ZNF726: variants seen among roughly 807,000 people sequenced by gnomAD.
ZNF726 encodes zinc finger protein 92 pseudogene 3.
A neutral mutation model predicts 11.6 loss-of-function variants in ZNF726; 15 were observed. The ratio of observed to expected loss-of-function variants is 1.29; its 90% confidence interval spans 0.86 to 1.99. The LOEUF (loss-of-function observed/expected upper bound fraction) is 1.99. Ranked by LOEUF, ZNF726 falls within the 30% of genes most tolerant of loss-of-function variation. The pLI is 0.00. For missense variants in ZNF726, 890 were observed against 725.6 expected, an observed-to-expected ratio of 1.23 and a Z score of -2.60; for synonymous variants, 295 against 243.6, an observed-to-expected ratio of 1.21 and a Z score of -1.96.
chr19:23,935,162 ATGT>A, downstream of ZNF726: 2 of 388,080 alleles, frequency 5.2e-6, no homozygotes, highest in Non-Finnish European at 1.0e-5. Context: ...GAATCCCCAC[ATGT>A]TGTGGGGAGA....
At chr19:23,943,679 CT>C (rs1168403584) in intron 4 of ZNF726, 3 of 440,756 alleles carry the variant, frequency 6.8e-6, no homozygotes, top group African/African-American at 4.0e-5. Context: ...ATGGGATGCT[CT>C]GCTTCAGTGG....
chr19:23,924,802 G>C (rs576140542), intron 3 of ZNF726, among the ~76,000 whole-genome samples: 2 of 152,034 alleles, frequency 1.3e-5, no homozygotes, highest in South Asian at 4.2e-4. Context: ...TTGAGGGTCA[G>C]GATTACTTGA....
At position 23,934,135 on chromosome 19, in the gene ZNF726, C is replaced by A. The variant is rs746414197; in HGVS notation, c.*168C>A. On this transcript the variant is annotated 3_prime_UTR_variant, in exon 4 of 4. Coordinates refer to ENST00000594466, the MANE Select transcript of ZNF726 (RefSeq NM_001244038.2). ...TTAGATAATTCACACTGGAGAGAAA[C>A]CTTACAAGTGTGAAGAATGTGGGAA... The A allele has an allele frequency of 9.2e-6, 9 of 972,980 alleles. No individual in the cohort carries two copies. The highest frequency in any genetic ancestry group is 1.5e-5 in the Non-Finnish European group (9 of 611,722). 60.3% of individuals were successfully genotyped at this position (972,980 alleles called of 1,614,324 possible).
At chr19:23,931,900 T>C (rs555197650) in intron 3 of ZNF726, among the ~76,000 whole-genome samples, 30 of 152,288 alleles carry the variant, frequency 2.0e-4, no homozygotes, top group Admixed American at 7.2e-4. Flanking sequence ...GTCAGCACTT[T>C]ATGTCATGAG....
chr19:23,917,222 A>G (rs951109873), intron 1 of ZNF726, among the ~76,000 whole-genome samples: 1 of 152,230 alleles, frequency 6.6e-6, no homozygotes, highest in Admixed American at 6.5e-5. Flanking sequence ...AAGTGCTGTG[A>G]TTACAGGCAT....
intron 1 of ZNF726, among the ~76,000 whole-genome samples, chr19:23,915,298 C>T (rs1024133724): frequency 6.6e-6 from 1 of 152,138 alleles, no homozygotes; most frequent in African/African-American, 2.4e-5. Flanking sequence ...ATGGGAGGAA[C>T]GTCAGGGCAG....
At chr19:23,923,092 T>A (rs1325031461) in intron 3 of ZNF726, among the ~76,000 whole-genome samples, 1 of 152,122 alleles carries the variant, frequency 6.6e-6, no homozygotes, top group Non-Finnish European at 1.5e-5. Context: ...AAAAAGGAAT[T>A]ACAGAATTTT....
chr19:23,933,268 A>T lies in ZNF726; in HGVS notation c.1152A>T (p.Leu384=). 6.2e-7 allele frequency: 1 copy of T among 1,612,624 alleles called. No individual in the cohort carries two copies. Residue 384 remains leucine, a synonymous_variant, in exon 4 of 4, where the codon CTA becomes CTT. Transcript: ENST00000594466. ...CGKAFIWPST[L]TKHKRIHTGE... ...AAGCATTTATATGGCCCTCAACCCT[A>T]ACTAAACATAAGAGGATTCACACTG...
chr19:23,927,745 G>C (rs910756554), intron 3 of ZNF726: 3 of 152,192 alleles, frequency 2.0e-5, no homozygotes, highest in African/African-American at 7.2e-5. Context: ...GTCTCTCTAA[G>C]TGTTGGGATT....
chr19:23,935,392 T>G (rs757467965), downstream of ZNF726: 195 of 524,654 alleles, frequency 3.7e-4, no homozygotes, highest in Admixed American at 1.5e-3. Flanking sequence ...TGGGAAAAAA[T>G]TGGCAAAGCC....
chr19:23,915,089 T>A (rs3764588), intron 1 of ZNF726, 92 bp downstream of exon 1: 204,547 of 1,589,172 alleles, frequency 0.13, 14,098 homozygotes, highest in Middle Eastern at 0.22. Flanking sequence ...GCCTCCTCGC[T>A]GTCAGTTTTA....
chr19:23,924,197 C>T (rs559582047), intron 3 of ZNF726, among the ~76,000 whole-genome samples: 1 of 151,328 alleles, frequency 6.6e-6, no homozygotes, highest in Admixed American at 6.6e-5. Context: ...GCACATGCCA[C>T]CACACCTGGC....
chr19:23,933,023 C>T lies in ZNF726; in HGVS notation c.907C>T (p.His303Tyr). 6.2e-7 allele frequency: 1 copy of T among 1,613,164 alleles called. No homozygotes were observed. The highest frequency in any genetic ancestry group is 1.3e-5 in the African/African-American group (1 of 74,992). The change falls in exon 4 of 4, where the codon CAT becomes TAT. Residue 303 changes from histidine to tyrosine, a missense_variant. Transcript: ENST00000594466. ...AFSQPSALTI[H>Y]KRMHIGEKPY... ...TAGCCAACCCTCAGCACTAACCATA[C>T]ATAAGAGGATGCACATTGGAGAGAA... is the stretch of plus-strand genomic sequence containing the variant.
At chr19:23,927,393 T>C (rs1032224472) in intron 3 of ZNF726, among the ~76,000 whole-genome samples, 3 of 152,236 alleles carry the variant, frequency 2.0e-5, no homozygotes, top group African/African-American at 7.2e-5. Context: ...TTTTATATTG[T>C]TCAGTTTTAC....
downstream of ZNF726, among the ~76,000 whole-genome samples, chr19:23,939,259 T>C (rs1968298893): frequency 6.6e-6 from 1 of 152,212 alleles, no homozygotes; most frequent in Non-Finnish European, 1.5e-5. Flanking sequence ...CTTAGAATAA[T>C]AGTCTCCAAT....
At chr19:23,935,171 G>C, downstream of ZNF726, 1 of 403,498 alleles carries the variant, frequency 2.5e-6, no homozygotes, top group Admixed American at 2.7e-5. Context: ...CATGTTGTGG[G>C]GAGAGACCCA....
At chr19:23,918,897 T>C (rs1967771038) in intron 1 of ZNF726, among the ~76,000 whole-genome samples, 1 of 152,206 alleles carries the variant, frequency 6.6e-6, no homozygotes, top group Admixed American at 6.5e-5. Context: ...ATGAGCTTGA[T>C]AGAGATTCAG....
chr19:23,919,635 A>T (rs1967793162), intron 2 of ZNF726, 136 bp downstream of exon 2: 1 of 1,184,658 alleles, frequency 8.4e-7, no homozygotes, highest in Non-Finnish European at 1.1e-6. Flanking sequence ...GTTTAGAAAA[A>T]ATTTCTTCAA....
intron 3 of ZNF726, among the ~76,000 whole-genome samples, chr19:23,940,127 T>C (rs1968315149): frequency 6.6e-6 from 1 of 152,200 alleles, no homozygotes; most frequent in Admixed American, 6.5e-5. Flanking sequence ...AAGGTTATCA[T>C]GCAAAATTTT....
Sources: gnomAD v4.1 joint callset for allele counts (sites outside exome capture counted in the v4.1 genomes callset) on GRCh38, gnomAD v4.1.1 for gene constraint, MANE v1.5 for transcripts, NCBI Gene and HGNC (gene_info 2026-07-23, HGNC 2026-07-21) for gene names.